The following PKD1L1 variants were observed in gnomAD, a reference collection of about 807,000 sequenced individuals.
PKD1L1 encodes the protein polycystin 1 like 1, transient receptor potential channel interacting.
Under a neutral mutation model 323.4 loss-of-function variants are expected in PKD1L1, and 236 were observed. That is an observed-to-expected ratio of 0.73 (90% CI 0.66 to 0.81). The LOEUF (loss-of-function observed/expected upper bound fraction) is 0.81. Ranked by LOEUF, PKD1L1 falls within the 40% of genes least tolerant of loss-of-function variation. The pLI is 0.00. For missense variants in PKD1L1, 3,320 were observed against 3,508.0 expected (o/e 0.95, Z 1.35); for synonymous variants, 1,344 against 1,335.0 (o/e 1.01, Z -0.15).
In PKD1L1 at chr7:47,775,090, G is replaced by T; in HGVS notation, c.*53C>A. On this transcript the variant is annotated 3_prime_UTR_variant, in exon 57 of 57. Coordinates refer to ENST00000289672, the MANE Select transcript of PKD1L1 (RefSeq NM_138295.5). Reference sequence around the variant, plus strand: ...AGGATGTCTGCTAAAATTGGCTGTTGGGTGGGTTAAGCAAAACAGGGTCCA... The same window carrying T: ...AGGATGTCTGCTAAAATTGGCTGTTTGGTGGGTTAAGCAAAACAGGGTCCA... 6.3e-7 allele frequency: 1 copy of T among 1,591,782 alleles called. No individual in the cohort carries two copies. Among genetic ancestry groups the T allele is most frequent in the Non-Finnish European group, 8.6e-7 (1 of 1,166,854 alleles).
Position 47,940,335 on chromosome 7 carries a change from A to T in PKD1L1, c.161-18T>A, listed in dbSNP as rs780759646. 5.6e-6 allele frequency: 9 copies of T among 1,603,784 alleles called. No homozygotes were observed. In the South Asian group the frequency reaches 1.0e-4, roughly 18 times the overall value. On this transcript the variant is annotated intron_variant, in intron 2 of 56. Transcript: ENST00000289672. ...ATAGACCTCTAGAGAAAAAAAAAAAAGCAAACATTCTGAAGACTGCAATGT... is the reference window on the plus strand; with the variant it reads ...ATAGACCTCTAGAGAAAAAAAAAAATGCAAACATTCTGAAGACTGCAATGT...
At chr7:47,902,259 A>T in intron 13 of PKD1L1, 120 bp downstream of exon 13, 2 of 1,372,912 alleles carry the variant, frequency 1.5e-6, no homozygotes, top group Non-Finnish European at 9.8e-7. Flanking sequence ...AAATTGCAGT[A>T]GGATAAACTG....
chr7:47,842,792 A>C (rs1454043546), intron 34 of PKD1L1, among the ~76,000 whole-genome samples, 170 bp downstream of exon 34: 1 of 152,156 alleles, frequency 6.6e-6, no homozygotes, highest in Non-Finnish European at 1.5e-5. Flanking sequence ...ACCCTGACAG[A>C]TGTGCAGGCC....
chr7:47,928,192 A>G (rs1288452736), intron 7 of PKD1L1, among the ~76,000 whole-genome samples: 1 of 152,240 alleles, frequency 6.6e-6, no homozygotes, highest in African/African-American at 2.4e-5. Flanking sequence ...GTCAATAGAA[A>G]AGGACTTTTT....
At chr7:47,960,181 T>G in the PKD1L1 span, among the ~76,000 whole-genome samples, 2 of 149,466 alleles carry the variant, frequency 1.3e-5, no homozygotes, top group African/African-American at 2.5e-5. Flanking sequence ...GCATGCTCGT[T>G]AAGAGTCATC....
At chr7:47,917,654 C>A (rs1027485830) in intron 7 of PKD1L1, among the ~76,000 whole-genome samples, 1 of 152,040 alleles carries the variant, frequency 6.6e-6, no homozygotes, top group African/African-American at 2.4e-5. Context: ...CCCTATAAGC[C>A]GGAAGGGTTT....
intron 52 of PKD1L1, among the ~76,000 whole-genome samples, chr7:47,805,488 C>A (rs377331220): frequency 1.7e-4 from 26 of 152,298 alleles, no homozygotes; most frequent in African/African-American, 5.5e-4. Flanking sequence ...GAGGGAAAGC[C>A]GTAGTGTGGG....
Position 47,835,125 on chromosome 7 carries a change from G to A in PKD1L1, c.6054+8C>T, listed in dbSNP as rs779679021. On this transcript the variant is annotated splice_region_variant and intron_variant, in intron 38 of 56. Coordinates refer to ENST00000289672, the MANE Select transcript of PKD1L1 (RefSeq NM_138295.5). The stretch of plus-strand genomic sequence containing the variant: ...GAGAACAGGGCCATGAGGACAAGTC[G>A]CAGGTACCTTGCTGAGCCTGAAGAG... The A allele has an allele frequency of 4.8e-5, 77 of 1,600,648 alleles. No homozygotes were observed. The South Asian group carries it at 6.3e-4, about 13-fold the overall frequency.
Position 47,821,120 on chromosome 7 carries a change from T to C in PKD1L1, c.6921A>G (p.Gln2307=). The C allele has an allele frequency of 6.2e-7, 1 of 1,609,594 alleles. No homozygotes were observed. Among genetic ancestry groups the C allele is most frequent in the Non-Finnish European group, 8.5e-7 (1 of 1,175,902 alleles). The change falls in exon 46 of 57, where the codon CAA becomes CAG. Residue 2307 remains glutamine (Q), a synonymous_variant. Coordinates refer to ENST00000289672, the MANE Select transcript of PKD1L1 (RefSeq NM_138295.5). ...TAGCTTGATTGAGGGAGTATTCATCTTGGGAAAATCTCCCATATATTACAC... is the reference window on the plus strand; with the variant it reads ...TAGCTTGATTGAGGGAGTATTCATCCTGGGAAAATCTCCCATATATTACAC... ...LLCVIYGRFS[Q]DEYSLNQAIR... is the part of the protein sequence containing the mutation.
At position 47,827,333 on chromosome 7, in the gene PKD1L1, C is replaced by A. The variant is rs1464842586; in HGVS notation, c.6854+17G>T. 1 of 1,591,092 alleles carries A rather than the reference C, an allele frequency of 6.3e-7. No individual in the cohort carries two copies. Among genetic ancestry groups the A allele is most frequent in the South Asian group, 1.1e-5 (1 of 87,770 alleles). ...GCTGGAGTGGAGCAAGCCCTCCCGA[C>A]AGAAGCCGCCACCCACCTCAGGGCA... On this transcript the variant is annotated intron_variant, in intron 45 of 56. Transcript: ENST00000289672.
At position 47,811,931 on chromosome 7, in the gene PKD1L1, C is replaced by A. The variant is rs937199556; in HGVS notation, c.7467G>T (p.Val2489=). The part of the protein sequence containing the change: ...YNPPTQLFTS[V]SLRVEILPTG... Reference sequence around the variant, plus strand: ...TAGGGAGGATCTCCACTCTCAGGGACACGCTGGTGAAGAGTTGGGTTGGAG... The same window carrying A: ...TAGGGAGGATCTCCACTCTCAGGGAAACGCTGGTGAAGAGTTGGGTTGGAG... Residue 2489 remains valine (V), a synonymous_variant, in exon 50 of 57, where the codon GTG becomes GTT. Coordinates refer to ENST00000289672, the MANE Select transcript of PKD1L1 (RefSeq NM_138295.5). The A allele has an allele frequency of 3.1e-6, 5 of 1,607,498 alleles. No individual in the cohort carries two copies. In the African/African-American group the frequency reaches 6.7e-5, roughly 21 times the overall value.
chr7:47,796,092 A>T lies in PKD1L1; in HGVS notation c.8252T>A (p.Phe2751Tyr). 6.2e-7 allele frequency: 1 copy of T among 1,611,614 alleles called. No homozygotes were observed. Among genetic ancestry groups the T allele is most frequent in the Non-Finnish European group, 8.5e-7 (1 of 1,178,788 alleles). The part of the protein sequence containing the change: ...QKRKSFQSKS[F>Y]VRLKDVTAYM... ...AGCAGTGACATCTTTAAGTCTCACA[A>T]AAGATTTACTTTGAAAAGATTTTCT... The change falls in exon 55 of 57, where the codon TTT becomes TAT. Residue 2751 changes from phenylalanine (F) to tyrosine (Y), a missense_variant. Transcript: ENST00000289672.
In PKD1L1 at chr7:47,890,578, C is replaced by A. The variant is rs141028399; in HGVS notation, c.2639G>T (p.Arg880Leu). The change falls in exon 16 of 57, where the codon CGG becomes CTG. Residue 880 changes from arginine to leucine, a missense_variant. Arg to Leu is a moderately radical substitution (Grantham distance 102). Coordinates refer to ENST00000289672, the MANE Select transcript of PKD1L1 (RefSeq NM_138295.5). ...GTCAGGGTAGGGGGACAGGAACACCCGGGTCTCAGAAGAGTTCCGGCCACC... is the reference window on the plus strand; with the variant it reads ...GTCAGGGTAGGGGGACAGGAACACCAGGGTCTCAGAAGAGTTCCGGCCACC... ...SSGGRNSSET[R>L]VFLSPYPDSA... is the part of the protein sequence containing the mutation. The A allele has an allele frequency of 5.6e-6, 9 of 1,613,970 alleles. No homozygotes were observed. Among genetic ancestry groups the A allele is most frequent in the Middle Eastern group, 1.6e-4 (1 of 6,074 alleles).
intron 50 of PKD1L1, among the ~76,000 whole-genome samples, chr7:47,810,757 G>A (rs1784875704): frequency 6.6e-6 from 1 of 152,214 alleles, no homozygotes; most frequent in Non-Finnish European, 1.5e-5. Flanking sequence ...AACTCAGAGT[G>A]ACTTCTGGTG....
rs773421558 is a variant in PKD1L1 at position 47,854,950 on chromosome 7, T to A, written c.4791A>T (p.Glu1597Asp). 4.3e-6 allele frequency: 7 copies of A among 1,614,140 alleles called. No homozygotes were observed. In the South Asian group the frequency reaches 6.6e-5, roughly 15 times the overall value. The stretch of plus-strand genomic sequence containing the variant: ...AAAATTCAATTTCTATCTGTAGAGA[T>A]TCCTGGGGGTTTTCGGAAAGCTCAG... ...QFTELSENPQ[E>D]SLQIEIEFSK... Residue 1597 changes from glutamate to aspartate, a missense_variant, in exon 30 of 57, where the codon GAA (glutamate) becomes GAT (aspartate). Physicochemically the swap from Glu to Asp is conservative, Grantham distance 45 (BLOSUM62 2). Transcript: ENST00000289672.
At chr7:47,820,372 G>GAA (rs1488762629) in intron 46 of PKD1L1, among the ~76,000 whole-genome samples, 1 of 152,158 alleles carries the variant, frequency 6.6e-6, no homozygotes, top group African/African-American at 2.4e-5. Flanking sequence ...ACTACTTATA[G>GAA]AAAGAAGGAG....
At chr7:47,800,594 A>G (rs992351699) in intron 54 of PKD1L1, 55 bp downstream of exon 54, 13 of 1,560,852 alleles carry the variant, frequency 8.3e-6, no homozygotes, top group Non-Finnish European at 1.1e-5. Context: ...TCACCCCAAC[A>G]GCAAATGAAA....
chr7:47,946,670 C>T lies in PKD1L1; in HGVS notation c.44+1727G>A, dbSNP rs1563003485. Among the ~76,000 whole-genome samples, 2 of 150,970 alleles carry T rather than the reference C, an allele frequency of 1.3e-5. No homozygotes were observed. Among genetic ancestry groups the T allele is most frequent in the Non-Finnish European group, 3.0e-5 (2 of 67,562 alleles). Reference sequence around the variant, plus strand: ...CCACCCACACACATGTCCTATACCACACACACACACACAGACACTACAGGC... The same window carrying T: ...CCACCCACACACATGTCCTATACCATACACACACACACAGACACTACAGGC... On this transcript the variant is annotated intron_variant, in intron 1 of 56. Coordinates refer to ENST00000289672, the MANE Select transcript of PKD1L1 (RefSeq NM_138295.5). This position sits in a 1 kb window ranked among gnomAD's most constrained non-coding sequence, Gnocchi z 4.1.
chr7:47,865,743 A>G (rs1300043951), intron 25 of PKD1L1, among the ~76,000 whole-genome samples: 90 of 140,710 alleles, frequency 6.4e-4, no homozygotes, highest in African/African-American at 2.4e-3. Flanking sequence ...CTGCCACCAC[A>G]CCTGGCTAAT....
Sources: gnomAD v4.1 joint callset for allele counts (sites outside exome capture counted in the v4.1 genomes callset) on GRCh38, gnomAD v4.1.1 for gene constraint, Gnocchi (gnomAD v3.1) non-coding constraint, MANE v1.5 for transcripts, NCBI Gene and HGNC (gene_info 2026-07-23, HGNC 2026-07-21) for gene names.